Variants in MYO16 observed in about 807,000 individuals in gnomAD.
The protein encoded by MYO16 is myosin XVI.
A neutral mutation model predicts 205.3 loss-of-function variants in MYO16; 94 were observed. That is an observed-to-expected ratio of 0.46 (90% CI 0.39 to 0.54). MYO16 has a LOEUF of 0.54. Ranked by LOEUF, MYO16 falls within the 20% of genes least tolerant of loss-of-function variation. The pLI, the probability that MYO16 is intolerant of heterozygous loss-of-function variation, is 0.00. For synonymous variants in MYO16, 988 were observed against 954.0 expected (o/e 1.04, Z -0.66); for missense variants, 2,315 against 2,387.5 (o/e 0.97, Z 0.63).
chr13:108,648,352 A>C (rs902864241), intron 1 of MYO16, among the ~76,000 whole-genome samples: 2 of 152,062 alleles, frequency 1.3e-5, no homozygotes, highest in Non-Finnish European at 2.9e-5. Flanking sequence ...ATGTGTGCAC[A>C]CTCAACCCCA....
chr13:109,049,228 A>G (rs1428642799), intron 24 of MYO16, among the ~76,000 whole-genome samples: 1 of 152,120 alleles, frequency 6.6e-6, no homozygotes, highest in African/African-American at 2.4e-5. Context: ...GAGTGACATG[A>G]AGAAAATGGT....
intron 1 of MYO16, among the ~76,000 whole-genome samples, chr13:108,655,210 G>A (rs1881188681): frequency 6.6e-6 from 1 of 152,136 alleles, no homozygotes; most frequent in Non-Finnish European, 1.5e-5. Context: ...AAGGTTTCAT[G>A]GGCCAGGCCC....
Position 108,898,237 on chromosome 13 carries a change from G to T in MYO16, c.1777+104G>T, listed in dbSNP as rs527476201. 6.9e-6 allele frequency: 6 copies of T among 865,336 alleles called. No homozygotes were observed. The South Asian group carries it at 8.8e-5, about 13-fold the overall frequency. 53.6% of individuals were successfully genotyped at this position (865,336 alleles called of 1,614,324 possible). ...CACACTGTGTATGAATCAATGCTGG[G>T]AGAGAAAACCTATTCTTCATGACCG... On this transcript the variant is annotated intron_variant, in intron 15 of 34. Transcript: ENST00000457511.
At chr13:108,841,394 A>C (rs148284993) in intron 9 of MYO16, among the ~76,000 whole-genome samples, 52 of 152,340 alleles carry the variant, frequency 3.4e-4, no homozygotes, top group African/African-American at 1.2e-3. Flanking sequence ...CATATACAGC[A>C]CTGTATACAA....
At position 109,127,222 on chromosome 13, in the gene MYO16, C is replaced by T. The variant is rs1406556353; in HGVS notation, c.3783-60C>T. 1.1e-5 allele frequency: 16 copies of T among 1,502,906 alleles called. No homozygotes were observed. In the African/African-American group the frequency reaches 1.1e-4, roughly 10 times the overall value. 93.1% of individuals were successfully genotyped at this position (1,502,906 alleles called of 1,614,324 possible). ...TCTGCTTGAGCAGGTTCCTTGTTAC[C>T]GGAATAATGCATCTGGGCCTCTCTG... is the stretch of plus-strand genomic sequence containing the variant. On this transcript the variant is annotated intron_variant, in intron 30 of 34. Coordinates refer to ENST00000457511, the MANE Select transcript of MYO16 (RefSeq NM_001198950.3). The surrounding 1 kb of genome is among the most constrained non-coding windows in gnomAD (Gnocchi z 4.2).
At chr13:109,195,667 GTCAGTAAATGCCTCTTT>G (rs1322808527) in intron 34 of MYO16, among the ~76,000 whole-genome samples, 2 of 152,070 alleles carry the variant, frequency 1.3e-5, no homozygotes, top group Admixed American at 1.3e-4. Flanking sequence ...TTCCATAAAT[GTCAGTAAATGCCTCTTT>G]TCACCTTTGG....
the MYO16 span, among the ~76,000 whole-genome samples, chr13:108,496,223 C>A: frequency 2.6e-5 from 4 of 152,282 alleles, no homozygotes; most frequent in Middle Eastern, 6.8e-3. Flanking sequence ...GGAGTAGAAG[C>A]CTTCTGAACT....
chr13:108,652,712 T>C (rs886680602), intron 1 of MYO16, among the ~76,000 whole-genome samples: 2 of 152,222 alleles, frequency 1.3e-5, no homozygotes, highest in Non-Finnish European at 2.9e-5. Context: ...TCCATCCATG[T>C]TGTGGCATGT....
At chr13:109,163,224 A>G (rs1937787147) in intron 32 of MYO16, among the ~76,000 whole-genome samples, 1 of 152,172 alleles carries the variant, frequency 6.6e-6, no homozygotes, top group Non-Finnish European at 1.5e-5. Context: ...GATCTGACCA[A>G]GGTCCTGACT....
intron 10 of MYO16, among the ~76,000 whole-genome samples, chr13:108,849,792 C>A (rs140359615): frequency 6.8e-6 from 1 of 147,584 alleles, no homozygotes; most frequent in Non-Finnish European, 1.5e-5. Context: ...TCCTCCAAAT[C>A]CTGTTGAATT....
At chr13:108,548,593 G>A in the MYO16 span, among the ~76,000 whole-genome samples, 1 of 151,928 alleles carries the variant, frequency 6.6e-6, no homozygotes, top group Non-Finnish European at 1.5e-5. Flanking sequence ...TGGTGGTGGT[G>A]GTGATAGTGA....
At chr13:108,875,939 C>T (rs1879302935) in intron 12 of MYO16, among the ~76,000 whole-genome samples, 1 of 152,120 alleles carries the variant, frequency 6.6e-6, no homozygotes, top group Non-Finnish European at 1.5e-5. Flanking sequence ...GATGCATAAT[C>T]CAGGCTGTCT....
At chr13:108,871,926 A>G (rs1879085690) in intron 12 of MYO16, among the ~76,000 whole-genome samples, 1 of 152,148 alleles carries the variant, frequency 6.6e-6, no homozygotes, top group East Asian at 1.9e-4. Context: ...CAGTCTTTGT[A>G]ATTGTTCATG....
At chr13:109,073,195 G>A (rs1314723563) in intron 27 of MYO16, among the ~76,000 whole-genome samples, 1 of 151,160 alleles carries the variant, frequency 6.6e-6, no homozygotes, top group Non-Finnish European at 1.5e-5. Flanking sequence ...TCCTCCTCCT[G>A]GGTTCAAGCG....
intron 32 of MYO16, among the ~76,000 whole-genome samples, chr13:109,159,538 G>A (rs1878262616): frequency 6.6e-6 from 1 of 151,914 alleles, no homozygotes; most frequent in Non-Finnish European, 1.5e-5. Flanking sequence ...TCTGTGAGCC[G>A]GGCTCTATTC....
At chr13:108,802,559 GAC>G (rs1886998948) in intron 6 of MYO16, among the ~76,000 whole-genome samples, 2 of 152,172 alleles carry the variant, frequency 1.3e-5, no homozygotes, top group African/African-American at 4.8e-5. Flanking sequence ...ATATCCCTAT[GAC>G]ATAGCAACTT....
At chr13:108,783,471 T>C (rs1440664137) in intron 4 of MYO16, among the ~76,000 whole-genome samples, 1 of 152,168 alleles carries the variant, frequency 6.6e-6, no homozygotes. Context: ...CAGATGAAAC[T>C]TTGGACTGTG....
chr13:108,570,586 C>T, the MYO16 span, among the ~76,000 whole-genome samples: 1 of 152,214 alleles, frequency 6.6e-6, no homozygotes, highest in African/African-American at 2.4e-5. Flanking sequence ...ACCAATGAAG[C>T]CAGCCATCTG....
At chr13:109,172,959 T>C (rs1028748535) in intron 33 of MYO16, among the ~76,000 whole-genome samples, 4 of 152,230 alleles carry the variant, frequency 2.6e-5, no homozygotes, top group African/African-American at 9.7e-5. Flanking sequence ...CAATATTACT[T>C]TGATGGCTTG....
Sources: allele counts gnomAD v4.1 joint callset (sites outside exome capture counted in the v4.1 genomes callset), GRCh38; gene constraint gnomAD v4.1.1; non-coding constraint Gnocchi (gnomAD v3.1); transcripts MANE v1.5; gene names NCBI Gene and HGNC (gene_info 2026-07-23, HGNC 2026-07-21).